Variants in SLC7A1 observed in about 807,000 individuals in gnomAD.
The protein encoded by SLC7A1 is solute carrier family 7 member 1.
In SLC7A1, 10 loss-of-function variants were observed where a neutral mutation model predicts 53.9. The ratio of observed to expected loss-of-function variants is 0.19; its 90% CI spans 0.11 to 0.31. The LOEUF (loss-of-function observed/expected upper bound fraction) is 0.31, where lower values mean the gene tolerates loss of function less well. SLC7A1 is among the 10% of genes least tolerant of loss of function. The probability of loss-of-function intolerance (pLI) is 1.00; values close to 1 mark genes in which losing one functional copy is unlikely to be tolerated. For missense variants in SLC7A1, 525 were observed against 827.2 expected, an observed-to-expected ratio of 0.63 and a Z score of 4.48; for synonymous variants, 342 against 338.7, an observed-to-expected ratio of 1.01 and a Z score of -0.11.
chr13:29,572,537 G>A (rs1871244251), intron 1 of SLC7A1, among the ~76,000 whole-genome samples: 1 of 152,158 alleles, frequency 6.6e-6, no homozygotes, highest in Non-Finnish European at 1.5e-5. Context: ...GGGGAGGAAG[G>A]ACTGGCCGGA....
chr13:29,580,148 C>T (rs1402677608), intron 1 of SLC7A1, among the ~76,000 whole-genome samples: 3 of 152,204 alleles, frequency 2.0e-5, no homozygotes. Flanking sequence ...GGAGAACCTG[C>T]CTCTTGCCCA....
At chr13:29,582,303 C>T (rs914116740) in intron 1 of SLC7A1, among the ~76,000 whole-genome samples, 1 of 152,338 alleles carries the variant, frequency 6.6e-6, no homozygotes, top group African/African-American at 2.4e-5. Context: ...AGAAGCCCCG[C>T]CTCTGCTGCC....
intron 5 of SLC7A1, among the ~76,000 whole-genome samples, chr13:29,525,963 C>G (rs566768205): frequency 6.6e-6 from 1 of 152,362 alleles, no homozygotes; most frequent in South Asian, 2.1e-4. Context: ...CACTCCCACC[C>G]TGGCAAACGG....
chr13:29,541,613 T>C (rs1878445317), intron 2 of SLC7A1, among the ~76,000 whole-genome samples: 1 of 152,206 alleles, frequency 6.6e-6, no homozygotes, highest in African/African-American at 2.4e-5. Context: ...TCAATTCACG[T>C]ACAATGTATA....
chr13:29,576,091 T>C (rs1871396671), intron 1 of SLC7A1, among the ~76,000 whole-genome samples: 1 of 151,882 alleles, frequency 6.6e-6, no homozygotes, highest in Non-Finnish European at 1.5e-5. Flanking sequence ...AGTTTGAGAA[T>C]AGCTTGGAGA....
At chr13:29,588,335 C>T (rs982241242) in intron 1 of SLC7A1, among the ~76,000 whole-genome samples, 3 of 152,056 alleles carry the variant, frequency 2.0e-5, no homozygotes, top group South Asian at 2.1e-4. Context: ...AATGGCATGA[C>T]GTCTTCAGCT....
intron 2 of SLC7A1, among the ~76,000 whole-genome samples, chr13:29,549,269 G>A (rs1041814853): frequency 2.0e-5 from 3 of 152,168 alleles, no homozygotes; most frequent in Non-Finnish European, 4.4e-5. Flanking sequence ...GGAGAAAACC[G>A]TACCCGTGGA....
At position 29,523,091 on chromosome 13, in the gene SLC7A1, G is replaced by C. The variant is rs540836174; in HGVS notation, c.1049+175C>G. ...CACAACTCTTGGGATGATGAATACT[G>C]GCCAACAAGGGAAAAGCCACATGAT... On this transcript the variant is annotated intron_variant, in intron 7 of 12. Transcript: ENST00000380752. Among the ~76,000 whole-genome samples, 16 of 152,128 alleles carry C rather than the reference G, an allele frequency of 1.1e-4. No homozygotes were observed. The South Asian group carries it at 3.3e-3, about 32-fold the overall frequency.
chr13:29,579,575 C>T (rs973536300), intron 1 of SLC7A1, among the ~76,000 whole-genome samples: 2 of 152,112 alleles, frequency 1.3e-5, no homozygotes, highest in Admixed American at 1.3e-4. Flanking sequence ...ATTGGCCAGG[C>T]TAGTCTCAAA....
In SLC7A1 at chr13:29,514,872, A is replaced by G. The variant is rs994048618; in HGVS notation, c.1787-289T>C. Among the ~76,000 whole-genome samples, 9 of 152,164 alleles carry G rather than the reference A, an allele frequency of 5.9e-5. No homozygotes were observed. The South Asian group carries it at 6.2e-4, about 11-fold the overall frequency. On this transcript the variant is annotated intron_variant, in intron 12 of 12. Coordinates refer to ENST00000380752, the MANE Select transcript of SLC7A1 (RefSeq NM_003045.5). Reference sequence around the variant, plus strand: ...AGCTGGGCCAGGGCCACCAGAGGCCATCGGGTCCTTCAGCTTAGCCCCCTG... The same window carrying G: ...AGCTGGGCCAGGGCCACCAGAGGCCGTCGGGTCCTTCAGCTTAGCCCCCTG...
intron 1 of SLC7A1, among the ~76,000 whole-genome samples, chr13:29,561,347 G>C (rs1870745734): frequency 6.6e-6 from 1 of 152,124 alleles, no homozygotes; most frequent in African/African-American, 2.4e-5. Flanking sequence ...GAAGCTACAA[G>C]GGACCACAGT....
In SLC7A1 at chr13:29,511,267, A is replaced by G. The variant is rs1039364104; in HGVS notation, c.*3213T>C. The G allele has an allele frequency of 3.3e-5, 5 of 152,278 alleles. No homozygotes were observed. Among genetic ancestry groups the G allele is most frequent in the African/African-American group, 1.2e-4 (5 of 41,456 alleles). 9.4% of individuals were successfully genotyped at this position (152,278 alleles called of 1,614,324 possible). ...CGTATTGGATCCTGGCCACTGTGCT[A>G]GAGTCAGCACAAGGGACCAGGTGGC... On this transcript the variant is annotated 3_prime_UTR_variant, in exon 13 of 13. Coordinates refer to ENST00000380752, the MANE Select transcript of SLC7A1 (RefSeq NM_003045.5).
intron 5 of SLC7A1, among the ~76,000 whole-genome samples, chr13:29,525,456 C>A (rs1012204583): frequency 1.3e-5 from 2 of 152,212 alleles, no homozygotes; most frequent in African/African-American, 4.8e-5. Context: ...AGGATGCTCC[C>A]AGTCCTATAA....
chr13:29,576,707 TGAAA>T (rs993368942), intron 1 of SLC7A1, among the ~76,000 whole-genome samples: 2 of 151,398 alleles, frequency 1.3e-5, no homozygotes, highest in Non-Finnish European at 2.9e-5. Flanking sequence ...TGAAACTAAA[TGAAA>T]GAATGAGGAG....
chr13:29,570,348 C>T (rs997882298), intron 1 of SLC7A1, among the ~76,000 whole-genome samples: 9 of 152,188 alleles, frequency 5.9e-5, no homozygotes, highest in African/African-American at 1.9e-4. Context: ...TATTTGCTCA[C>T]GGAACTGATG....
In SLC7A1 at chr13:29,569,427, G is replaced by A. The variant is rs1871102421; in HGVS notation, c.-114-15567C>T. ...ACTCACCTCAAACTGCCCATCCTGA[G>A]AATGCACTCTGCTCCCTGCAGGGCC... is the stretch of plus-strand genomic sequence containing the variant. On this transcript the variant is annotated intron_variant, in intron 1 of 12. Coordinates refer to ENST00000380752, the MANE Select transcript of SLC7A1 (RefSeq NM_003045.5). Among the ~76,000 whole-genome samples the A allele has an allele frequency of 7.2e-5, 11 of 152,170 alleles. No individual in the cohort carries two copies. The South Asian group carries it at 2.3e-3, about 32-fold the overall frequency.
intron 1 of SLC7A1, among the ~76,000 whole-genome samples, chr13:29,562,703 T>A (rs183715909): frequency 6.6e-6 from 1 of 152,216 alleles, no homozygotes; most frequent in Non-Finnish European, 1.5e-5. Flanking sequence ...CCACTGTTAT[T>A]TGGAACCTAT....
At chr13:29,576,891 C>G (rs961609101) in intron 1 of SLC7A1, among the ~76,000 whole-genome samples, 12 of 152,200 alleles carry the variant, frequency 7.9e-5, no homozygotes, top group African/African-American at 2.2e-4. Context: ...CACCAGAGAC[C>G]AGGCTAGAAC....
At chr13:29,517,031 A>C in intron 11 of SLC7A1, 113 bp downstream of exon 11, 2 of 1,053,440 alleles carry the variant, frequency 1.9e-6, no homozygotes, top group Non-Finnish European at 2.7e-6. Flanking sequence ...GCTGGCTAGC[A>C]AAAACCTTCC....
Sources: allele counts gnomAD v4.1 joint callset (sites outside exome capture counted in the v4.1 genomes callset), GRCh38; gene constraint gnomAD v4.1.1; transcripts MANE v1.5; gene names NCBI Gene and HGNC (gene_info 2026-07-23, HGNC 2026-07-21).